SATL1: variants seen among roughly 807,000 people sequenced by gnomAD.
The protein encoded by SATL1 is spermidine/spermine N1-acetyl transferase like 1, also known as spermidine/spermine N(1)-acetyltransferase-like protein 1.
A neutral mutation model predicts 51.8 loss-of-function variants in SATL1; 47 were observed. That is an observed-to-expected ratio of 0.91 (90% confidence interval 0.72 to 1.16). SATL1 has a LOEUF of 1.16. SATL1 is among the 50% of genes most tolerant of loss of function. The pLI is 0.00. For missense variants in SATL1, 520 were observed against 526.4 expected (o/e 0.99, Z 0.12); for synonymous variants, 176 against 182.4 (o/e 0.97, Z 0.28).
chrX:85,180,668 T>C (rs1483154398), intron 2 of SATL1, among the ~76,000 whole-genome samples: 1 of 111,304 alleles, frequency 9.0e-6, no homozygotes, highest in Non-Finnish European at 1.9e-5. Context: ...ATTGCAAATT[T>C]GATTCCTGTT....
chrX:85,154,226 A>G (rs1353897007), intron 2 of SATL1, among the ~76,000 whole-genome samples: 1 of 110,661 alleles, frequency 9.0e-6, no homozygotes, highest in Non-Finnish European at 1.9e-5. Context: ...ATTTGTGTGC[A>G]CCCCCATATA....
intron 2 of SATL1, among the ~76,000 whole-genome samples, chrX:85,197,730 G>C (rs948431072): frequency 6.9e-5 from 7 of 100,970 alleles, no homozygotes; most frequent in Non-Finnish European, 1.2e-4. Context: ...TCCCACCTAT[G>C]AGTGAGAACA....
At chrX:85,214,706 G>A (rs113690212) in intron 2 of SATL1, among the ~76,000 whole-genome samples, 1,770 of 111,803 alleles carry the variant, frequency 0.016, 30 homozygotes, top group African/African-American at 0.055. Context: ...AAGGCACAAT[G>A]GTGGTACAGG....
intron 2 of SATL1, among the ~76,000 whole-genome samples, chrX:85,220,092 T>C (rs1569249651): frequency 9.2e-6 from 1 of 109,169 alleles, no homozygotes; most frequent in African/African-American, 3.3e-5. Flanking sequence ...TCTCTGGGCA[T>C]TGGGGAAGGG....
At chrX:85,159,631 T>G (rs1458630883) in intron 2 of SATL1, among the ~76,000 whole-genome samples, 4 of 111,234 alleles carry the variant, frequency 3.6e-5, no homozygotes, top group African/African-American at 1.3e-4. Flanking sequence ...AATAACATAT[T>G]TTACCATGTT....
At chrX:85,096,279 C>T (rs1015799564) in intron 4 of SATL1, among the ~76,000 whole-genome samples, 1 of 110,577 alleles carries the variant, frequency 9.0e-6, no homozygotes, top group Admixed American at 9.7e-5. Context: ...ATGCACTGTA[C>T]TGGAGGGGTT....
At chrX:85,178,452 T>C (rs1334765379) in intron 2 of SATL1, among the ~76,000 whole-genome samples, 1 of 110,153 alleles carries the variant, frequency 9.1e-6, no homozygotes, top group Non-Finnish European at 1.9e-5. Flanking sequence ...TCTCCCTATG[T>C]TTCCCAGGCA....
chrX:85,199,957 A>G (rs1391491797), intron 2 of SATL1, among the ~76,000 whole-genome samples: 2 of 112,084 alleles, frequency 1.8e-5, no homozygotes, highest in African/African-American at 6.5e-5. Context: ...TTATAACTTG[A>G]ATGTTTGTAA....
At chrX:85,129,238 A>G (rs1925711509) in intron 2 of SATL1, among the ~76,000 whole-genome samples, 1 of 112,068 alleles carries the variant, frequency 8.9e-6, no homozygotes, top group South Asian at 3.7e-4. Flanking sequence ...TACCTTGGGC[A>G]GAATGGCCAT....
intron 2 of SATL1, among the ~76,000 whole-genome samples, chrX:85,159,625 A>G (rs769862386): frequency 9.0e-6 from 1 of 111,511 alleles, no homozygotes; most frequent in African/African-American, 3.3e-5. Flanking sequence ...GGTAGAAATA[A>G]CATATTTTAC....
chrX:85,125,664 G>C (rs1925609817), intron 2 of SATL1, among the ~76,000 whole-genome samples: 1 of 108,788 alleles, frequency 9.2e-6, no homozygotes, highest in South Asian at 4.0e-4. Context: ...TCTATGATGA[G>C]CCCATAGGAA....
intron 3 of SATL1, among the ~76,000 whole-genome samples, chrX:85,104,431 C>T (rs1924981608): frequency 9.1e-6 from 1 of 110,378 alleles, no homozygotes; most frequent in African/African-American, 3.3e-5. Context: ...AAAATATTCA[C>T]TCGTTTTCTT....
intron 2 of SATL1, among the ~76,000 whole-genome samples, chrX:85,173,725 A>ATATGTCCT (rs1470362332): frequency 9.2e-6 from 1 of 109,134 alleles, no homozygotes; most frequent in Non-Finnish European, 1.9e-5. Flanking sequence ...CATTTGATCT[A>ATATGTCCT]TATGTCCTAT....
chrX:85,188,739 T>C (rs757307603), intron 2 of SATL1, among the ~76,000 whole-genome samples: 1 of 112,373 alleles, frequency 8.9e-6, no homozygotes, highest in Non-Finnish European at 1.9e-5. Context: ...TCTATGTGGA[T>C]TGCAAATTTC....
At chrX:85,210,485 T>C (rs1350159711) in intron 2 of SATL1, 1 of 104,411 alleles carries the variant, frequency 9.6e-6, no homozygotes, top group Non-Finnish European at 2.0e-5. Context: ...GAATCCTCCC[T>C]AACACATCCA....
chrX:85,148,426 C>T (rs1488168013), intron 2 of SATL1, among the ~76,000 whole-genome samples: 1 of 109,984 alleles, frequency 9.1e-6, no homozygotes, highest in African/African-American at 3.3e-5. Flanking sequence ...CCCAATCTAG[C>T]AAGGCAGGCC....
chrX:85,111,201 TAAGTA>T (rs1192199279), intron 2 of SATL1, among the ~76,000 whole-genome samples: 2 of 113,031 alleles, frequency 1.8e-5, no homozygotes, highest in Admixed American at 9.3e-5. Context: ...ATGTCTTTAA[TAAGTA>T]AAGTTAGAAA....
At chrX:85,150,822 A>C (rs1468525341) in intron 2 of SATL1, among the ~76,000 whole-genome samples, 2 of 109,003 alleles carry the variant, frequency 1.8e-5, no homozygotes, top group Middle Eastern at 4.3e-3. Flanking sequence ...ATCTCAAAAT[A>C]ATAAGAGCTA....
chrX:85,174,818 A>G (rs1317479492), intron 2 of SATL1, among the ~76,000 whole-genome samples: 3 of 111,982 alleles, frequency 2.7e-5, no homozygotes, highest in Non-Finnish European at 3.8e-5. Flanking sequence ...TGTAAATTTC[A>G]TATGAAAATA....
Sources: gnomAD v4.1 joint callset for allele counts (sites outside exome capture counted in the v4.1 genomes callset) on GRCh38, gnomAD v4.1.1 for gene constraint, MANE v1.5 for transcripts, NCBI Gene and HGNC (gene_info 2026-07-23, HGNC 2026-07-21) for gene names.